Variants in ZFX observed in about 807,000 individuals in gnomAD.
ZFX encodes the protein zinc finger protein X-linked.
For missense variants in ZFX, 362 were observed against 628.3 expected (o/e 0.58, Z 4.53); for synonymous variants, 196 against 226.8 (o/e 0.86, Z 1.22).
chrX:24,157,338 T>G (rs1932849276), intron 3 of ZFX, among the ~76,000 whole-genome samples: 1 of 112,027 alleles, frequency 8.9e-6, no homozygotes, highest in Non-Finnish European at 1.9e-5. Context: ...CTTGCTGAAC[T>G]CTCATCATAT....
chrX:24,149,497 T>C (rs1176721226), upstream of ZFX: 8 of 111,518 alleles, frequency 7.2e-5, no homozygotes, highest in Admixed American at 4.7e-4. Context: ...GCGAGGCCAC[T>C]GGGCTCCCCG....
chrX:24,193,614 A>G (rs1187044838), intron 5 of ZFX, among the ~76,000 whole-genome samples: 1 of 111,845 alleles, frequency 8.9e-6, no homozygotes, highest in Non-Finnish European at 1.9e-5. Flanking sequence ...GCCAAGCAAC[A>G]ATCCCCTAGA....
intron 5 of ZFX, 81 bp from the exon 6 acceptor site, chrX:24,207,245 A>AATTTTTT: frequency 1.3e-6 from 1 of 758,757 alleles, no homozygotes; most frequent in Non-Finnish European, 1.8e-6. Context: ...AAAAAAAAAA[A>AATTTTTT]TTTTTTTTTT....
chrX:24,158,490 T>C (rs923501022), intron 3 of ZFX, among the ~76,000 whole-genome samples: 2 of 112,324 alleles, frequency 1.8e-5, no homozygotes, highest in Non-Finnish European at 3.8e-5. Flanking sequence ...TTTTACTGCA[T>C]TGACTAATTC....
At chrX:24,177,749 G>C (rs1184383741) in intron 4 of ZFX, 1 of 750,398 alleles carries the variant, frequency 1.3e-6, no homozygotes, top group African/African-American at 2.3e-5. Flanking sequence ...TATTGCACCA[G>C]AACAAAAAGG....
chrX:24,173,587 T>C, intron 4 of ZFX: 1 of 1,145,298 alleles, frequency 8.7e-7, no homozygotes, highest in Non-Finnish European at 1.2e-6. Context: ...CACTTGCGTT[T>C]TGGGTTTTTT....
At chrX:24,160,778 C>T (rs1239252699) in intron 3 of ZFX, among the ~76,000 whole-genome samples, 1 of 111,665 alleles carries the variant, frequency 9.0e-6, no homozygotes, top group African/African-American at 3.3e-5. Flanking sequence ...TAACTATAAT[C>T]ACCCTACAGT....
In ZFX at chrX:24,202,400, A is replaced by G. The variant is rs777185719; in HGVS notation, c.647-4926A>G. Among the ~76,000 whole-genome samples the G allele has an allele frequency of 5.4e-5, 6 of 111,603 alleles. No individual in the cohort carries two copies. In the South Asian group the frequency reaches 2.3e-3, roughly 42 times the overall value. Reference sequence around the variant, plus strand: ...ATACTTGAAGAAATTCACATGTTCCATTGACTCCTCAGCCCACTCTAGTCT... The same window carrying G: ...ATACTTGAAGAAATTCACATGTTCCGTTGACTCCTCAGCCCACTCTAGTCT... On this transcript the variant is annotated intron_variant, in intron 5 of 9. Coordinates refer to ENST00000304543, the MANE Select transcript of ZFX (RefSeq NM_003410.4).
chrX:24,193,875 A>G (rs1936711976), intron 5 of ZFX, among the ~76,000 whole-genome samples: 1 of 111,716 alleles, frequency 9.0e-6, no homozygotes, highest in Non-Finnish European at 1.9e-5. Context: ...CATTAAGTGC[A>G]TTTACACTGT....
intron 4 of ZFX, among the ~76,000 whole-genome samples, chrX:24,178,598 T>G (rs1303080614): frequency 1.3e-5 from 1 of 78,520 alleles, no homozygotes. Flanking sequence ...CTTTTTTTTT[T>G]TTTTAAAACA....
chrX:24,208,276 T>TGCAGCAGCAGCG lies in ZFX; in HGVS notation c.1005_1016dup (p.Ala338_Ala341dup). 8.3e-7 allele frequency: 1 copy of TGCAGCAGCAGCG among 1,211,480 alleles called. No individual in the cohort carries two copies. Among genetic ancestry groups the TGCAGCAGCAGCG allele is most frequent in the Non-Finnish European group, 1.1e-6 (1 of 895,412 alleles). On this transcript the variant is annotated inframe_insertion, in exon 8 of 10. Coordinates refer to ENST00000304543, the MANE Select transcript of ZFX (RefSeq NM_003410.4). ...AAGTGATCGTAGGAGAGGAGGATGC[T>TGCAGCAGCAGCG]GCAGCAGCAGCGGCAGCCGCCGCCG...
Position 24,179,334 on chromosome X carries a change from C to T in ZFX, c.210C>T (p.Asp70=), listed in dbSNP as rs1935462459. Residue 70 remains aspartate (D), a synonymous_variant, in exon 5 of 10, where the codon GAC becomes GAT. Transcript: ENST00000304543. ...TTGTAATCCAAGATGTTATTGAGGA[C>T]GTTGTTATAGAAGATGTTCAGTGCC... ...DSVVIQDVIE[D]VVIEDVQCPD... The T allele has an allele frequency of 9.1e-6, 11 of 1,210,180 alleles. No homozygotes were observed. Among genetic ancestry groups the T allele is most frequent in the African/African-American group, 3.5e-5 (2 of 57,196 alleles).
intron 5 of ZFX, among the ~76,000 whole-genome samples, chrX:24,192,778 G>T (rs1159264327): frequency 9.1e-6 from 1 of 109,545 alleles, no homozygotes; most frequent in Non-Finnish European, 1.9e-5. Context: ...AGGTGTGGTG[G>T]CACATGCCTA....
intron 5 of ZFX, among the ~76,000 whole-genome samples, chrX:24,204,430 T>C (rs1203916627): frequency 8.9e-6 from 1 of 112,031 alleles, no homozygotes; most frequent in African/African-American, 3.2e-5. Flanking sequence ...TTTGCAGAAG[T>C]ATCATTTCAA....
intron 4 of ZFX, among the ~76,000 whole-genome samples, chrX:24,177,234 CTTTT>C (rs1935231250): frequency 8.9e-6 from 1 of 112,298 alleles, no homozygotes; most frequent in African/African-American, 3.2e-5. Context: ...GCCCAGCCTT[CTTTT>C]ATTTTATTTT....
intron 5 of ZFX, among the ~76,000 whole-genome samples, chrX:24,201,465 A>G (rs905613633): frequency 8.9e-6 from 1 of 112,796 alleles, no homozygotes; most frequent in Non-Finnish European, 1.9e-5. Context: ...TGCAAAAACA[A>G]CAAGCCTGGC....
intron 2 of ZFX, 98 bp downstream of exon 2, chrX:24,151,898 G>A (rs1054476917): frequency 4.5e-5 from 5 of 111,765 alleles, no homozygotes; most frequent in African/African-American, 1.6e-4. Flanking sequence ...ACGATTACAA[G>A]AATGTTCAGA....
chrX:24,197,993 A>C (rs115880922), intron 5 of ZFX, among the ~76,000 whole-genome samples: 4 of 111,671 alleles, frequency 3.6e-5, no homozygotes, highest in Non-Finnish European at 7.5e-5. Context: ...GGATCAATCA[A>C]TAGAAAGAAC....
chrX:24,167,884 G>A (rs920677518), intron 3 of ZFX, among the ~76,000 whole-genome samples: 5 of 112,139 alleles, frequency 4.5e-5, no homozygotes, highest in African/African-American at 1.6e-4. Context: ...TCTTTTGATT[G>A]AAAGGCCCCA....
Sources: allele counts gnomAD v4.1 joint callset (sites outside exome capture counted in the v4.1 genomes callset), GRCh38; gene constraint gnomAD v4.1.1; transcripts MANE v1.5; gene names NCBI Gene and HGNC (gene_info 2026-07-23, HGNC 2026-07-21).